The following PCDHGB7 variants were observed in gnomAD, a reference collection of about 807,000 sequenced individuals.
PCDHGB7 encodes the protein protocadherin gamma subfamily B, 7.
A neutral mutation model predicts 61.4 loss-of-function variants in PCDHGB7; 37 were observed. The observed-to-expected ratio is 0.60, with a 90% CI of 0.46 to 0.79. The LOEUF (loss-of-function observed/expected upper bound fraction) is 0.79. PCDHGB7 is among the 30% of genes least tolerant of loss of function. The pLI is 0.00. For missense variants in PCDHGB7, 1,166 were observed against 1,202.5 expected, an observed-to-expected ratio of 0.97 and a Z score of 0.45; for synonymous variants, 464 against 503.5, an observed-to-expected ratio of 0.92 and a Z score of 1.05.
At position 141,485,680 on chromosome 5, in the gene PCDHGB7, C is replaced by A. The variant is rs1450674419; in HGVS notation, c.2416-9127C>A. The A allele has an allele frequency of 6.2e-7, 1 of 1,613,966 alleles. No individual in the cohort carries two copies. On this transcript the variant is annotated intron_variant, in intron 1 of 3. Transcript: ENST00000398594. The surrounding 1 kb of genome is among the most constrained non-coding windows in gnomAD (Gnocchi z 5.7). ...ATGTGGGGAGCAATTCGATTAGCAGCTATAGGCTGAGCTCCAATGAACACT... is the reference window on the plus strand; with the variant it reads ...ATGTGGGGAGCAATTCGATTAGCAGATATAGGCTGAGCTCCAATGAACACT...
chr5:141,428,055 G>C (rs1232516220), intron 1 of PCDHGB7: 8 of 1,608,952 alleles, frequency 5.0e-6, no homozygotes, highest in African/African-American at 1.3e-5. Context: ...CAAGGTGGTG[G>C]CGGTGGACGC....
chr5:141,434,261 G>A (rs1269166732), intron 1 of PCDHGB7, among the ~76,000 whole-genome samples: 2 of 152,194 alleles, frequency 1.3e-5, no homozygotes. Context: ...TTGTGGGGGA[G>A]GTGGAAATTA....
Position 141,419,757 on chromosome 5 carries a change from G to C in PCDHGB7, c.1898G>C (p.Gly633Ala). ...GAGGTGCGCATGGTGCGTGCTTTGG[G>C]TGACAAGGACTCGGTCCGCCAGCGC... is the stretch of plus-strand genomic sequence containing the variant. ...TGEVRMVRALGDKDSVRQRLL... is the reference protein window; with the variant it reads ...TGEVRMVRALADKDSVRQRLL... The change falls in exon 1 of 4, where the codon GGT (glycine) becomes GCT (alanine). Residue 633 changes from glycine to alanine, a missense_variant. Physicochemically the swap from Gly to Ala is moderately conservative, Grantham distance 60. Coordinates refer to ENST00000398594, the MANE Select transcript of PCDHGB7 (RefSeq NM_018927.4). 1 of 1,613,994 alleles carries C rather than the reference G, an allele frequency of 6.2e-7. No homozygotes were observed. Among genetic ancestry groups the C allele is most frequent in the Non-Finnish European group, 8.5e-7 (1 of 1,179,900 alleles).
In PCDHGB7 at chr5:141,422,884, G is replaced by C. The variant is rs202035589; in HGVS notation, c.2415+2610G>C. On this transcript the variant is annotated intron_variant, in intron 1 of 3. Transcript: ENST00000398594. ...CAGCAACGTGTCGCTGAGCCTGTTC[G>C]TGCTGGACCAGAACGACAATGCGCC... The C allele has an allele frequency of 1.7e-4, 278 of 1,614,240 alleles. No homozygotes were observed. The African/African-American group carries it at 2.0e-3, about 12-fold the overall frequency.
rs1418195492 is a variant in PCDHGB7 at position 141,431,459 on chromosome 5, G to T, written c.2415+11185G>T. 4 of 1,613,692 alleles carry T rather than the reference G, an allele frequency of 2.5e-6. No homozygotes were observed. The highest frequency in any genetic ancestry group is 3.4e-6 in the Non-Finnish European group (4 of 1,179,994). Reference sequence around the variant, plus strand: ...CGCGCGCATCCGCGTGATGGTTCTGGATGCGAACGACAACGCACCAGCGTT... The same window carrying T: ...CGCGCGCATCCGCGTGATGGTTCTGTATGCGAACGACAACGCACCAGCGTT... On this transcript the variant is annotated intron_variant, in intron 1 of 3. Transcript: ENST00000398594. This position sits in a 1 kb window ranked among gnomAD's most constrained non-coding sequence, Gnocchi z 4.8.
chr5:141,422,919 G>C (rs1445179310), intron 1 of PCDHGB7: 9 of 1,614,120 alleles, frequency 5.6e-6, no homozygotes, highest in Non-Finnish European at 6.8e-6. Context: ...CCGAGATCCT[G>C]TACCCTGCCC....
chr5:141,509,516 T>C (rs2099877144), intron 3 of PCDHGB7, among the ~76,000 whole-genome samples: 1 of 152,130 alleles, frequency 6.6e-6, no homozygotes, highest in Non-Finnish European at 1.5e-5. Context: ...GTGTTGATGA[T>C]GTATTGCACA....
chr5:141,420,993 C>T (rs956578377), intron 1 of PCDHGB7: 2 of 501,412 alleles, frequency 4.0e-6, no homozygotes, highest in Non-Finnish European at 7.0e-6. Context: ...GGCGCCGCTG[C>T]TCACCAATCA....
chr5:141,450,210 G>T (rs2098673599), intron 1 of PCDHGB7, among the ~76,000 whole-genome samples: 1 of 151,786 alleles, frequency 6.6e-6, no homozygotes. Flanking sequence ...TAGAGACAAG[G>T]TTTCACTATG....
Position 141,491,730 on chromosome 5 carries a change from C to A in PCDHGB7, c.2416-3077C>A, listed in dbSNP as rs1346666614. ...GGGGCTCGGCGCCGCCCCGGGCGAC[C>A]CCTGGGGGCGGCACTGGAGAAGCCG... On this transcript the variant is annotated intron_variant, in intron 1 of 3. Coordinates refer to ENST00000398594, the MANE Select transcript of PCDHGB7 (RefSeq NM_018927.4). This position sits in a 1 kb window ranked among gnomAD's most constrained non-coding sequence, Gnocchi z 6.9. 3.1e-6 allele frequency: 5 copies of A among 1,603,920 alleles called. No individual in the cohort carries two copies. The East Asian group carries it at 6.7e-5, about 22-fold the overall frequency.
At position 141,431,782 on chromosome 5, in the gene PCDHGB7, C is replaced by A. The variant is rs767269112; in HGVS notation, c.2415+11508C>A. The A allele has an allele frequency of 6.2e-7, 1 of 1,614,082 alleles. No homozygotes were observed. On this transcript the variant is annotated intron_variant, in intron 1 of 3. Transcript: ENST00000398594. This position sits in a 1 kb window ranked among gnomAD's most constrained non-coding sequence, Gnocchi z 4.8. Reference sequence around the variant, plus strand: ...TCCTGATCACTGTTCTGGACGTGAACGACAATGCCCCAGAAGTGGTCCTCA... The same window carrying A: ...TCCTGATCACTGTTCTGGACGTGAAAGACAATGCCCCAGAAGTGGTCCTCA...
chr5:141,501,441 A>G (rs547792017), intron 2 of PCDHGB7, among the ~76,000 whole-genome samples: 1 of 151,898 alleles, frequency 6.6e-6, no homozygotes, highest in African/African-American at 2.4e-5. Context: ...CATTTCTTCC[A>G]TTTTTACTTT....
At chr5:141,507,676 A>G (rs2099862523) in intron 3 of PCDHGB7, among the ~76,000 whole-genome samples, 1 of 152,252 alleles carries the variant, frequency 6.6e-6, no homozygotes, top group African/African-American at 2.4e-5. Flanking sequence ...TCCAGATGTT[A>G]AAAACAGAAA....
chr5:141,465,019 G>T (rs533151051), intron 1 of PCDHGB7, among the ~76,000 whole-genome samples: 1 of 151,978 alleles, frequency 6.6e-6, no homozygotes, highest in Non-Finnish European at 1.5e-5. Context: ...TAAGATTACA[G>T]CCATGAACCA....
chr5:141,449,588 CAAAAAA>C (rs768743917), intron 1 of PCDHGB7, among the ~76,000 whole-genome samples: 1 of 57,492 alleles, frequency 1.7e-5, no homozygotes, highest in Admixed American at 1.8e-4. Flanking sequence ...GACTCTGTCT[CAAAAAA>C]AAAAAAAAAA....
intron 3 of PCDHGB7, among the ~76,000 whole-genome samples, chr5:141,509,518 T>A (rs1441963133): frequency 6.6e-6 from 1 of 152,170 alleles, no homozygotes; most frequent in Non-Finnish European, 1.5e-5. Context: ...GTTGATGATG[T>A]ATTGCACAGG....
intron 1 of PCDHGB7, among the ~76,000 whole-genome samples, chr5:141,459,035 A>T (rs1404092581): frequency 6.6e-6 from 1 of 152,218 alleles, no homozygotes; most frequent in Non-Finnish European, 1.5e-5. Context: ...ATCCAGCCTT[A>T]CCAGCTATAT....
intron 1 of PCDHGB7, chr5:141,422,899 G>A: frequency 2.5e-6 from 4 of 1,614,234 alleles, no homozygotes; most frequent in Non-Finnish European, 3.4e-6. Flanking sequence ...GGACCAGAAC[G>A]ACAATGCGCC....
rs2099746956 is a variant in PCDHGB7 at position 141,493,207 on chromosome 5, A to C, written c.2416-1600A>C. Among the ~76,000 whole-genome samples, 1 of 152,152 alleles carries C rather than the reference A, an allele frequency of 6.6e-6. No individual in the cohort carries two copies. The highest frequency in any genetic ancestry group is 2.4e-5 in the African/African-American group (1 of 41,442). On this transcript the variant is annotated intron_variant, in intron 1 of 3. Coordinates refer to ENST00000398594, the MANE Select transcript of PCDHGB7 (RefSeq NM_018927.4). The surrounding 1 kb of genome is among the most constrained non-coding windows in gnomAD (Gnocchi z 4.3). ...ATAACTCCTTTGAGAACCTCATCTC[A>C]TTTGCTCTTCCCACCATTGCTGTTG...
Sources: gnomAD v4.1 joint callset for allele counts (sites outside exome capture counted in the v4.1 genomes callset) on GRCh38, gnomAD v4.1.1 for gene constraint, Gnocchi (gnomAD v3.1) non-coding constraint, MANE v1.5 for transcripts, NCBI Gene and HGNC (gene_info 2026-07-23, HGNC 2026-07-21) for gene names.